ZBTB20: variants seen among roughly 807,000 people sequenced by gnomAD.
ZBTB20 encodes the protein zinc finger and BTB domain-containing protein 20.
Under a neutral mutation model 56.9 loss-of-function variants are expected in ZBTB20, and 9 were observed. The ratio of observed to expected loss-of-function variants is 0.16; its 90% confidence interval spans 0.10 to 0.28. ZBTB20 has a LOEUF of 0.28. Among genes scored for constraint, ZBTB20 ranks in the 10% least tolerant of loss-of-function variants. ZBTB20 has a pLI of 1.00. For missense variants in ZBTB20, 655 were observed against 1,003.0 expected (o/e 0.65, Z 4.69); for synonymous variants, 417 against 420.7 (o/e 0.99, Z 0.11).
chr3:114,509,410 A>AGTGT (rs1216698443), intron 6 of ZBTB20, among the ~76,000 whole-genome samples: 3 of 138,420 alleles, frequency 2.2e-5, no homozygotes, highest in African/African-American at 5.2e-5. Flanking sequence ...GTATTTGGGG[A>AGTGT]GTGTGTGTGT....
At chr3:114,969,147 A>C (rs1025409941) in intron 3 of ZBTB20, among the ~76,000 whole-genome samples, 2 of 152,228 alleles carry the variant, frequency 1.3e-5, no homozygotes, top group Admixed American at 1.3e-4. Context: ...ATAAAGACTA[A>C]GTCTCTTTTG....
At chr3:114,353,247 C>G (rs1197228059) in intron 10 of ZBTB20, among the ~76,000 whole-genome samples, 1 of 152,176 alleles carries the variant, frequency 6.6e-6, no homozygotes, top group African/African-American at 2.4e-5. Flanking sequence ...ATCTCTCTGT[C>G]TTGTGAGAAG....
chr3:114,460,760 T>C lies in ZBTB20; in HGVS notation c.-255+39592A>G, dbSNP rs114268454. Among the ~76,000 whole-genome samples the C allele has an allele frequency of 8.9e-3, 1,350 of 152,316 alleles. 30 individuals carry two copies. The highest frequency in any genetic ancestry group is 0.031 in the Admixed American group (470 of 15,296). On this transcript the variant is annotated intron_variant, in intron 7 of 11. Transcript: ENST00000675478. ...CCATAGGAAATTAACACAGGGACCATCAGCTACCTTGATCTGGACATAATC... is the reference window on the plus strand; with the variant it reads ...CCATAGGAAATTAACACAGGGACCACCAGCTACCTTGATCTGGACATAATC...
chr3:114,488,727 T>C (rs538981545), intron 7 of ZBTB20, among the ~76,000 whole-genome samples: 3 of 152,340 alleles, frequency 2.0e-5, no homozygotes, highest in South Asian at 2.1e-4. Context: ...GAAATAATCA[T>C]GTAAGTGTAC....
intron 4 of ZBTB20, among the ~76,000 whole-genome samples, chr3:114,842,244 T>G (rs1227911690): frequency 6.6e-6 from 1 of 152,182 alleles, no homozygotes; most frequent in Non-Finnish European, 1.5e-5. Flanking sequence ...TAGCCTGGAC[T>G]GTTGCCTAGG....
chr3:114,342,116 T>A (rs2079826633), intron 11 of ZBTB20, among the ~76,000 whole-genome samples: 1 of 152,108 alleles, frequency 6.6e-6, no homozygotes, highest in South Asian at 2.1e-4. Flanking sequence ...AAATGGGGTA[T>A]ATTTTCAGAT....
chr3:114,414,863 G>A (rs2088363023), intron 7 of ZBTB20, among the ~76,000 whole-genome samples: 1 of 151,252 alleles, frequency 6.6e-6, no homozygotes. Context: ...AAAAGTCTAG[G>A]TAAAAGTAAA....
At chr3:114,660,095 AC>A (rs2060637653) in intron 6 of ZBTB20, among the ~76,000 whole-genome samples, 1 of 152,062 alleles carries the variant, frequency 6.6e-6, no homozygotes, top group African/African-American at 2.4e-5. Context: ...TCCATTGACC[AC>A]TTGTGCTTGT....
At chr3:114,698,983 T>C (rs1560141984) in intron 5 of ZBTB20, among the ~76,000 whole-genome samples, 1 of 152,132 alleles carries the variant, frequency 6.6e-6, no homozygotes, top group Non-Finnish European at 1.5e-5. Flanking sequence ...TGAAAAAATA[T>C]ATTCCGATGT....
chr3:115,094,448 T>C (rs773988232), intron 1 of ZBTB20, among the ~76,000 whole-genome samples: 1 of 152,060 alleles, frequency 6.6e-6, no homozygotes, highest in Non-Finnish European at 1.5e-5. Flanking sequence ...TTTTTGTTTA[T>C]TTAAAATGAA....
chr3:115,047,610 A>G (rs529968093), intron 2 of ZBTB20, among the ~76,000 whole-genome samples: 19 of 152,360 alleles, frequency 1.2e-4, no homozygotes, highest in Non-Finnish European at 2.6e-4. Flanking sequence ...GAAATACAAC[A>G]GAAAAGTAAC....
intron 6 of ZBTB20, among the ~76,000 whole-genome samples, chr3:114,672,191 T>C (rs1330510814): frequency 6.6e-6 from 1 of 152,142 alleles, no homozygotes; most frequent in African/African-American, 2.4e-5. Context: ...TCATAACCAC[T>C]TCCTGTTAAT....
At chr3:114,587,462 G>A (rs1032390146) in intron 6 of ZBTB20, among the ~76,000 whole-genome samples, 3 of 152,182 alleles carry the variant, frequency 2.0e-5, no homozygotes, top group Non-Finnish European at 4.4e-5. Flanking sequence ...GGCTACTAGA[G>A]AATGTTACAG....
chr3:114,831,087 C>CTTTTTTTT (rs57265260), intron 4 of ZBTB20, among the ~76,000 whole-genome samples: 41 of 55,568 alleles, frequency 7.4e-4, no homozygotes, highest in African/African-American at 1.6e-3. Context: ...TTTCTTTCTT[C>CTTTTTTTT]TTTTTTTTTT....
intron 1 of ZBTB20, among the ~76,000 whole-genome samples, chr3:115,134,170 T>A (rs2084590210): frequency 6.6e-6 from 1 of 152,248 alleles, no homozygotes; most frequent in African/African-American, 2.4e-5. Flanking sequence ...CTGACAACTA[T>A]TTTAGCTAAT....
chr3:114,336,349 AT>A lies in ZBTB20; in HGVS notation c.*2655del, dbSNP rs1251527502. 4 of 152,200 alleles carry A rather than the reference AT, an allele frequency of 2.6e-5. No individual in the cohort carries two copies. Among genetic ancestry groups the A allele is most frequent in the Non-Finnish European group, 5.9e-5 (4 of 68,024 alleles). 9.4% of individuals were successfully genotyped at this position (152,200 alleles called of 1,614,324 possible). On this transcript the variant is annotated 3_prime_UTR_variant, in exon 12 of 12. Transcript: ENST00000675478. ...GAAATATTAGTCTTACAACACTGCTATTTTAAAAAGCAAAATTAGCAATAGA... is the reference window on the plus strand; with the variant it reads ...GAAATATTAGTCTTACAACACTGCTATTTAAAAAGCAAAATTAGCAATAGA...
chr3:114,718,110 G>T (rs997694616), intron 5 of ZBTB20, among the ~76,000 whole-genome samples: 1 of 151,960 alleles, frequency 6.6e-6, no homozygotes, highest in Non-Finnish European at 1.5e-5. Context: ...TCTTGGTTTG[G>T]CTTGAAGCTT....
chr3:114,577,305 T>A (rs1451056099), intron 6 of ZBTB20, among the ~76,000 whole-genome samples: 1 of 152,124 alleles, frequency 6.6e-6, no homozygotes, highest in Non-Finnish European at 1.5e-5. Flanking sequence ...TGATAGATTT[T>A]CTCAATGCAG....
At chr3:114,963,803 T>C (rs1309540445) in intron 3 of ZBTB20, among the ~76,000 whole-genome samples, 1 of 152,058 alleles carries the variant, frequency 6.6e-6, no homozygotes, top group Non-Finnish European at 1.5e-5. Context: ...TGTTGCTGTG[T>C]ATAAGACAAA....
Sources: gnomAD v4.1 joint callset for allele counts (sites outside exome capture counted in the v4.1 genomes callset) on GRCh38, gnomAD v4.1.1 for gene constraint, MANE v1.5 for transcripts, NCBI Gene and HGNC (gene_info 2026-07-23, HGNC 2026-07-21) for gene names.